PPFIBP2: variants seen among roughly 807,000 people sequenced by gnomAD.
PPFIBP2 encodes PPFIB scaffold protein 2.
In PPFIBP2, 118 loss-of-function variants were observed where a neutral mutation model predicts 118.3. The observed-to-expected ratio is 1.00, with a 90% CI of 0.86 to 1.16. PPFIBP2 has a LOEUF of 1.16. Among genes scored for constraint, PPFIBP2 ranks in the 50% most tolerant of loss-of-function variants. PPFIBP2 has a pLI of 0.00. For missense variants in PPFIBP2, 1,195 were observed against 1,073.1 expected, an observed-to-expected ratio of 1.11 and a Z score of -1.59; for synonymous variants, 414 against 397.4, an observed-to-expected ratio of 1.04 and a Z score of -0.50.
rs750300048 is a variant in PPFIBP2 at position 7,650,976 on chromosome 11, C to G, written c.2247+11C>G. 58 of 1,611,522 alleles carry G rather than the reference C, an allele frequency of 3.6e-5. No individual in the cohort carries two copies. Among genetic ancestry groups the G allele is most frequent in the Non-Finnish European group, 4.8e-5 (57 of 1,178,234 alleles). ...CATGGAGGCCTCATTGTGAGTGGCT[C>G]TCTGGCCTAGCCCACCTGCCTTGGT... is the stretch of plus-strand genomic sequence containing the variant. On this transcript the variant is annotated intron_variant, in intron 22 of 23. Coordinates refer to ENST00000299492, the MANE Select transcript of PPFIBP2 (RefSeq NM_003621.5).
intron 1 of PPFIBP2, among the ~76,000 whole-genome samples, chr11:7,516,077 G>A (rs1270855126): frequency 6.6e-6 from 1 of 152,148 alleles, no homozygotes; most frequent in Non-Finnish European, 1.5e-5. Flanking sequence ...TAATCGCCTG[G>A]GGAGTTTTGT....
intron 2 of PPFIBP2, among the ~76,000 whole-genome samples, chr11:7,555,224 T>G (rs1446341164): frequency 1.3e-5 from 2 of 152,102 alleles, no homozygotes; most frequent in African/African-American, 4.8e-5. Context: ...CACTTACTCC[T>G]CTTGGCTCTG....
At chr11:7,525,142 T>C (rs1467956364) in intron 1 of PPFIBP2, among the ~76,000 whole-genome samples, 3 of 152,202 alleles carry the variant, frequency 2.0e-5, no homozygotes, top group Non-Finnish European at 2.9e-5. Flanking sequence ...TTCTCCAGCA[T>C]GAGGACTTGG....
intron 11 of PPFIBP2, 40 bp from the exon 12 acceptor site, chr11:7,632,827 C>T (rs1223544622): frequency 6.5e-7 from 1 of 1,543,216 alleles, no homozygotes; most frequent in Non-Finnish European, 9.0e-7. Context: ...GGTCCCCAAA[C>T]AGACTGTCCT....
chr11:7,518,858 T>C lies in PPFIBP2; in HGVS notation c.-37+4737T>C, dbSNP rs553768173. Among the ~76,000 whole-genome samples, 4 of 152,228 alleles carry C rather than the reference T, an allele frequency of 2.6e-5. No individual in the cohort carries two copies. In the East Asian group the frequency reaches 7.7e-4, roughly 29 times the overall value. On this transcript the variant is annotated intron_variant, in intron 1 of 23. Transcript: ENST00000299492. ...GTGAGGGTGGGGCATGAGCCAAAGA[T>C]GGCGCTCGAGCGAGTATGGGCGGGA...
chr11:7,607,188 G>A (rs1438207194), intron 5 of PPFIBP2, among the ~76,000 whole-genome samples: 4 of 148,866 alleles, frequency 2.7e-5, no homozygotes, highest in Admixed American at 1.3e-4. Context: ...GGGATTACAG[G>A]CGTGAGCCAC....
At chr11:7,606,187 A>G (rs76173126) in intron 5 of PPFIBP2, among the ~76,000 whole-genome samples, 2,363 of 152,320 alleles carry the variant, frequency 0.016, 65 homozygotes, top group African/African-American at 0.055. Flanking sequence ...TAGGGAGCAC[A>G]GTGTTCTATA....
intron 3 of PPFIBP2, among the ~76,000 whole-genome samples, chr11:7,570,093 A>C (rs1855485942): frequency 6.6e-6 from 1 of 151,768 alleles, no homozygotes; most frequent in South Asian, 2.1e-4. Context: ...CTGTGCCTTG[A>C]GTGGGGCTTT....
intron 1 of PPFIBP2, among the ~76,000 whole-genome samples, chr11:7,518,499 G>C (rs1406627966): frequency 1.3e-5 from 2 of 152,104 alleles, no homozygotes; most frequent in Non-Finnish European, 2.9e-5. Flanking sequence ...ATCTCAGTGG[G>C]AGTCCTGGTT....
At chr11:7,572,766 G>GTTTT (rs1490809413) in intron 3 of PPFIBP2, among the ~76,000 whole-genome samples, 1 of 152,150 alleles carries the variant, frequency 6.6e-6, no homozygotes, top group African/African-American at 2.4e-5. Context: ...TTCGAAGAAT[G>GTTTT]TTTTGTTTGT....
chr11:7,629,626 C>G, intron 10 of PPFIBP2, 92 bp downstream of exon 10: 6 of 1,278,838 alleles, frequency 4.7e-6, no homozygotes, highest in Non-Finnish European at 6.8e-6. Flanking sequence ...GCTGTTTCAC[C>G]TCTGTTTCAG....
At chr11:7,521,442 T>C (rs892030145) in intron 1 of PPFIBP2, among the ~76,000 whole-genome samples, 1 of 152,246 alleles carries the variant, frequency 6.6e-6, no homozygotes, top group Non-Finnish European at 1.5e-5. Flanking sequence ...TCTATTCTTT[T>C]GTGCCTATCT....
At chr11:7,537,029 C>G (rs764685310) in intron 1 of PPFIBP2, among the ~76,000 whole-genome samples, 1 of 152,086 alleles carries the variant, frequency 6.6e-6, no homozygotes, top group Non-Finnish European at 1.5e-5. Context: ...CAGAGAGATC[C>G]TTGAGCTCCT....
rs545474805 is a variant in PPFIBP2, at chr11:7,516,374, G to T, written c.-37+2253G>T. On this transcript the variant is annotated intron_variant, in intron 1 of 23. Coordinates refer to ENST00000299492, the MANE Select transcript of PPFIBP2 (RefSeq NM_003621.5). ...TCTGTAGGACAGAGGACTAGGGAATGGGACAGTCTCTAGACTGATTAGATG... is the reference window on the plus strand; with the variant it reads ...TCTGTAGGACAGAGGACTAGGGAATTGGACAGTCTCTAGACTGATTAGATG... Among the ~76,000 whole-genome samples, 208 of 152,286 alleles carry T rather than the reference G, an allele frequency of 1.4e-3. 1 individual carries two copies. In the Middle Eastern group the frequency reaches 0.021, roughly 15 times the overall value.
intron 1 of PPFIBP2, among the ~76,000 whole-genome samples, chr11:7,526,441 A>G (rs1473477325): frequency 6.6e-6 from 1 of 152,206 alleles, no homozygotes; most frequent in Non-Finnish European, 1.5e-5. Context: ...GGGAAAAGGA[A>G]CTTGAATGCC....
At chr11:7,515,631 A>C (rs954303106) in intron 1 of PPFIBP2, among the ~76,000 whole-genome samples, 1 of 152,206 alleles carries the variant, frequency 6.6e-6, no homozygotes, top group African/African-American at 2.4e-5. Flanking sequence ...ACTCACCATG[A>C]GAAGTGGCCA....
At chr11:7,607,209 C>CTTTT (rs55981312) in intron 5 of PPFIBP2, among the ~76,000 whole-genome samples, 1 of 120,012 alleles carries the variant, frequency 8.3e-6, no homozygotes, top group Non-Finnish European at 1.7e-5. Context: ...CGCGCCCGGC[C>CTTTT]TTTTTTTTTT....
chr11:7,579,238 T>A (rs901831848), intron 3 of PPFIBP2, among the ~76,000 whole-genome samples: 27 of 152,248 alleles, frequency 1.8e-4, no homozygotes, highest in African/African-American at 6.5e-4. Flanking sequence ...GTCATAGCTA[T>A]TAGTGGTGCA....
rs1848683630 is a variant in PPFIBP2, at chr11:7,616,647, A to G, written c.619-4288A>G. On this transcript the variant is annotated intron_variant, in intron 6 of 23. Coordinates refer to ENST00000299492, the MANE Select transcript of PPFIBP2 (RefSeq NM_003621.5). The surrounding 1 kb of genome is among the most constrained non-coding windows in gnomAD (Gnocchi z 5.2). ...GCCTGAGTTCAGGGTTTGGGTACAT[A>G]TTGTCATGGATAAGTGTGATGTGTG... Among the ~76,000 whole-genome samples the G allele has an allele frequency of 6.6e-6, 1 of 152,094 alleles. No individual in the cohort carries two copies. The highest frequency in any genetic ancestry group is 6.5e-5 in the Admixed American group (1 of 15,270).
Sources: allele counts gnomAD v4.1 joint callset (sites outside exome capture counted in the v4.1 genomes callset), GRCh38; gene constraint gnomAD v4.1.1; non-coding constraint Gnocchi (gnomAD v3.1); transcripts MANE v1.5; gene names NCBI Gene and HGNC (gene_info 2026-07-23, HGNC 2026-07-21).